Variants in SIPA1L1 observed in about 807,000 individuals in gnomAD.
SIPA1L1 encodes signal induced proliferation associated 1 like 1.
SIPA1L1 carries 26 observed loss-of-function variants against 162.7 expected under a neutral mutation model. That is an observed-to-expected ratio of 0.16 (90% CI 0.12 to 0.22). The LOEUF (loss-of-function observed/expected upper bound fraction) is 0.22. Among genes scored for constraint, SIPA1L1 ranks in the 10% least tolerant of loss-of-function variants. The pLI, the probability that SIPA1L1 is intolerant of heterozygous loss-of-function variation, is 1.00. For synonymous variants in SIPA1L1, 829 were observed against 837.4 expected, an observed-to-expected ratio of 0.99 and a Z score of 0.17; for missense variants, 1,874 against 2,241.0, an observed-to-expected ratio of 0.84 and a Z score of 3.31.
intron 17 of SIPA1L1, among the ~76,000 whole-genome samples, chr14:71,717,471 T>C (rs2083361951): frequency 6.6e-6 from 1 of 152,258 alleles, no homozygotes; most frequent in Non-Finnish European, 1.5e-5. Context: ...TCCTGTTACA[T>C]CTAATGCTCT....
intron 17 of SIPA1L1, among the ~76,000 whole-genome samples, chr14:71,719,063 C>G (rs1030203859): frequency 6.6e-6 from 1 of 152,078 alleles, no homozygotes; most frequent in Non-Finnish European, 1.5e-5. Context: ...CTCAGCCCCC[C>G]AAGTAGCTGG....
intron 5 of SIPA1L1, among the ~76,000 whole-genome samples, chr14:71,606,269 G>A (rs983333551): frequency 2.0e-5 from 3 of 152,174 alleles, no homozygotes; most frequent in Non-Finnish European, 2.9e-5. Context: ...CCTGCAGGCC[G>A]TGAAGTCTGT....
At chr14:71,727,992 G>C (rs2084398323) in intron 19 of SIPA1L1, among the ~76,000 whole-genome samples, 1 of 152,194 alleles carries the variant, frequency 6.6e-6, no homozygotes, top group Non-Finnish European at 1.5e-5. Context: ...CAAGGTAGCT[G>C]TTCATGGCCT....
At chr14:71,412,603 G>A (rs1159842821) in intron 2 of SIPA1L1, among the ~76,000 whole-genome samples, 1 of 152,142 alleles carries the variant, frequency 6.6e-6, no homozygotes, top group Admixed American at 6.5e-5. Context: ...CTGAATAAAA[G>A]GTGGGAGGCC....
intron 2 of SIPA1L1, among the ~76,000 whole-genome samples, chr14:71,391,927 C>G (rs954914673): frequency 1.3e-5 from 2 of 152,206 alleles, no homozygotes; most frequent in Non-Finnish European, 2.9e-5. Context: ...GAGAAGTAGA[C>G]TGCTGTACTG....
At chr14:71,704,828 T>C (rs1240944679) in intron 15 of SIPA1L1, 1 of 1,309,666 alleles carries the variant, frequency 7.6e-7, no homozygotes. Flanking sequence ...CGTGATTGCA[T>C]CCATGCCTGT....
At chr14:71,544,343 G>T (rs999455475) in intron 4 of SIPA1L1, among the ~76,000 whole-genome samples, 1 of 151,432 alleles carries the variant, frequency 6.6e-6, no homozygotes, top group Non-Finnish European at 1.5e-5. Flanking sequence ...TCATGTGTGT[G>T]TATATACATG....
chr14:71,661,841 T>C (rs1012503901), intron 10 of SIPA1L1, among the ~76,000 whole-genome samples: 1 of 152,224 alleles, frequency 6.6e-6, no homozygotes, highest in African/African-American at 2.4e-5. Flanking sequence ...TTGAAAAGCA[T>C]TGTTATTAAA....
intron 5 of SIPA1L1, among the ~76,000 whole-genome samples, chr14:71,597,751 ACCTGACAGGCTCCTGCCTGTCCTC>A (rs1407231281): frequency 6.6e-6 from 1 of 152,044 alleles, no homozygotes; most frequent in Non-Finnish European, 1.5e-5. Context: ...TCTCTTGCCT[ACCTGACAGGCTCCTGCCTGTCCTC>A]CAGGGTTATG....
At chr14:71,323,026 T>A (rs1269993763) in intron 2 of SIPA1L1, among the ~76,000 whole-genome samples, 2 of 152,250 alleles carry the variant, frequency 1.3e-5, no homozygotes, top group Admixed American at 1.3e-4. Flanking sequence ...TCTGATACTT[T>A]GTACTGAGAT....
chr14:71,680,265 A>G (rs1395041205), intron 12 of SIPA1L1, among the ~76,000 whole-genome samples: 1 of 152,224 alleles, frequency 6.6e-6, no homozygotes, highest in Non-Finnish European at 1.5e-5. Context: ...ACTCAGGATT[A>G]AGAAACTCAC....
At position 71,739,872 on chromosome 14, in the gene SIPA1L1, A is replaced by G. The variant is rs2085636902; in HGVS notation, c.*711A>G. The G allele has an allele frequency of 6.6e-6, 1 of 152,174 alleles. No individual in the cohort carries two copies. Among genetic ancestry groups the G allele is most frequent in the African/African-American group, 2.4e-5 (1 of 41,430 alleles). The allele number at this position is 152,174 out of a possible 1,614,324, so 9.4% of individuals were successfully genotyped here. A position where few individuals can be genotyped will look rare whatever the true frequency, so the allele number is the denominator to read the frequency against. On this transcript the variant is annotated 3_prime_UTR_variant, in exon 24 of 24. Transcript: ENST00000381232. ...CCTGCTTCTCCCTTTCCCCAGGAAGATGGTCCCACTTGTGCTGCAAGACTC... is the reference window on the plus strand; with the variant it reads ...CCTGCTTCTCCCTTTCCCCAGGAAGGTGGTCCCACTTGTGCTGCAAGACTC...
intron 2 of SIPA1L1, among the ~76,000 whole-genome samples, chr14:71,478,470 T>C (rs2048061281): frequency 6.6e-6 from 1 of 152,208 alleles, no homozygotes; most frequent in Non-Finnish European, 1.5e-5. Flanking sequence ...TTATGTTTTC[T>C]CTTAAAAGTT....
Position 71,475,590 on chromosome 14 carries a change from G to A in SIPA1L1, c.-464-37153G>A, listed in dbSNP as rs185741377. ...ACCTATCTTGATGTTTCAATATTGG[G>A]AACATTTGAAAAATAGAGAAAATTA... is the stretch of plus-strand genomic sequence containing the variant. On this transcript the variant is annotated intron_variant, in intron 2 of 23. Transcript: ENST00000381232. Among the ~76,000 whole-genome samples, 697 of 152,174 alleles carry A rather than the reference G, an allele frequency of 4.6e-3. 5 individuals carry two copies. Among genetic ancestry groups the A allele is most frequent in the Middle Eastern group, 6.8e-3 (2 of 294 alleles).
chr14:71,341,024 T>C (rs922828104), intron 2 of SIPA1L1, among the ~76,000 whole-genome samples: 1 of 152,216 alleles, frequency 6.6e-6, no homozygotes, highest in African/African-American at 2.4e-5. Context: ...TAGAGAAAAG[T>C]CATGGATAGT....
At chr14:71,619,785 C>T (rs552991068) in intron 6 of SIPA1L1, among the ~76,000 whole-genome samples, 101 of 152,154 alleles carry the variant, frequency 6.6e-4, no homozygotes, top group Non-Finnish European at 1.2e-3. Flanking sequence ...AGCAAGTTTC[C>T]GGGGTTGGCA....
intron 7 of SIPA1L1, among the ~76,000 whole-genome samples, chr14:71,625,688 G>A (rs2039908495): frequency 6.6e-6 from 1 of 152,116 alleles, no homozygotes; most frequent in South Asian, 2.1e-4. Flanking sequence ...TCTAACAAAG[G>A]AGTAGAAAAA....
chr14:71,668,771 G>T (rs1357547061), intron 10 of SIPA1L1, among the ~76,000 whole-genome samples: 1 of 152,190 alleles, frequency 6.6e-6, no homozygotes, highest in African/African-American at 2.4e-5. Flanking sequence ...GCATGGCTAT[G>T]ATTTTAAAGC....
chr14:71,689,748 T>A (rs2081118775), intron 13 of SIPA1L1, among the ~76,000 whole-genome samples: 1 of 152,180 alleles, frequency 6.6e-6, no homozygotes, highest in Admixed American at 6.5e-5. Context: ...ATGTCATTGT[T>A]ACTCCCCTTG....
Sources: gnomAD v4.1 joint callset for allele counts (sites outside exome capture counted in the v4.1 genomes callset) on GRCh38, gnomAD v4.1.1 for gene constraint, MANE v1.5 for transcripts, NCBI Gene and HGNC (gene_info 2026-07-23, HGNC 2026-07-21) for gene names.